Variants in PCDHA4 observed in about 807,000 individuals in gnomAD.
The protein encoded by PCDHA4 is protocadherin alpha-4.
In PCDHA4, 49 loss-of-function variants were observed where a neutral mutation model predicts 61.4. That is an observed-to-expected ratio of 0.80 (90% CI 0.63 to 1.01). PCDHA4 has a LOEUF of 1.01. Ranked by LOEUF, PCDHA4 falls within the 50% of genes least tolerant of loss-of-function variation. The pLI is 0.00. For missense variants in PCDHA4, 1,254 were observed against 1,235.8 expected (o/e 1.01, Z -0.22); for synonymous variants, 590 against 550.3 (o/e 1.07, Z -1.01).
At chr5:140,906,821 G>A (rs1354317622) in intron 1 of PCDHA4, among the ~76,000 whole-genome samples, 7 of 152,220 alleles carry the variant, frequency 4.6e-5, no homozygotes, top group Non-Finnish European at 7.3e-5. Flanking sequence ...CCACTGTGGA[G>A]TAGTAGACTG....
chr5:141,007,494 G>A (rs538537497), intron 3 of PCDHA4, among the ~76,000 whole-genome samples: 20 of 152,150 alleles, frequency 1.3e-4, no homozygotes, highest in African/African-American at 4.8e-4. Flanking sequence ...CTTGGACCTA[G>A]GAGGCAGAGA....
chr5:141,000,345 C>A (rs1395527046), intron 3 of PCDHA4, among the ~76,000 whole-genome samples: 7 of 116,650 alleles, frequency 6.0e-5, no homozygotes, highest in African/African-American at 2.4e-4. Context: ...CCCTATCTCT[C>A]TCTCTGTCTC....
chr5:140,826,442 G>A (rs1447945219), intron 1 of PCDHA4, among the ~76,000 whole-genome samples: 4 of 152,148 alleles, frequency 2.6e-5, no homozygotes, highest in Non-Finnish European at 5.9e-5. Context: ...TGGAAGAAAA[G>A]GCTTTGTGTC....
rs549755742 is a variant in PCDHA4 at position 140,943,684 on chromosome 5, T to C, written c.2386-35265T>C. ...ATGTATAAAGTGTGAAAAAAAGGGA[T>C]AAGGTCAAAATATTGTGGAACACAT... On this transcript the variant is annotated intron_variant, in intron 1 of 3. Transcript: ENST00000530339. Among the ~76,000 whole-genome samples, 254 of 152,102 alleles carry C rather than the reference T, an allele frequency of 1.7e-3. 2 individuals carry two copies. The highest frequency in any genetic ancestry group is 2.9e-4 in the Non-Finnish European group (20 of 67,984).
intron 1 of PCDHA4, chr5:140,870,745 G>C (rs369212308): frequency 1.9e-6 from 3 of 1,613,530 alleles, no homozygotes; most frequent in Non-Finnish European, 2.5e-6. Context: ...GAGCAGCAAC[G>C]TGACGCTGCA....
At chr5:140,824,707 G>C (rs1444477681) in intron 1 of PCDHA4, 1 of 138,454 alleles carries the variant, frequency 7.2e-6, no homozygotes, top group East Asian at 2.3e-4. Flanking sequence ...CCATGCTCCC[G>C]TCTCAGCCTC....
rs114851794 is a variant in PCDHA4, at chr5:140,908,247, A to G, written c.2386-70702A>G. ...GTCCTTAGTCTTCTCTTCCTCATCA[A>G]CTGATCATAGGGAACTCCCCATGAG... On this transcript the variant is annotated intron_variant, in intron 1 of 3. Coordinates refer to ENST00000530339, the MANE Select transcript of PCDHA4 (RefSeq NM_018907.4). Among the ~76,000 whole-genome samples, 435 of 152,170 alleles carry G rather than the reference A, an allele frequency of 2.9e-3. 1 individual carries two copies. Among genetic ancestry groups the G allele is most frequent in the African/African-American group, 9.6e-3 (400 of 41,506 alleles).
intron 1 of PCDHA4, chr5:140,848,340 A>C (rs1781459761): frequency 3.4e-6 from 3 of 893,920 alleles, no homozygotes; most frequent in Admixed American, 2.4e-5. Flanking sequence ...ATCCAGACAA[A>C]TACAGCCCTT....
chr5:140,855,908 C>T, intron 1 of PCDHA4: 1 of 1,151,190 alleles, frequency 8.7e-7, no homozygotes, highest in Non-Finnish European at 1.2e-6. Context: ...GCCAGTTTCT[C>T]AAGGACTAGG....
intron 1 of PCDHA4, among the ~76,000 whole-genome samples, chr5:140,886,842 AAAAAAG>A (rs1562824849): frequency 6.6e-6 from 1 of 151,524 alleles, no homozygotes. Flanking sequence ...AAAAAAAAAA[AAAAAAG>A]AAAGGTCTTC....
Position 140,938,847 on chromosome 5 carries a change from T to C in PCDHA4, c.2386-40102T>C, listed in dbSNP as rs371783438. 4.6e-5 allele frequency among the ~76,000 whole-genome samples: 7 copies of C among 152,194 alleles called. No individual in the cohort carries two copies. The South Asian group carries it at 6.2e-4, about 14-fold the overall frequency. ...GTTTGCGTTATAACAAACCTGCCCA[T>C]GTACCCCTGAACTTAAAAGTTAAGA... On this transcript the variant is annotated intron_variant, in intron 1 of 3. Transcript: ENST00000530339.
At chr5:140,966,724 CGCCTCCGGCCCTGCCCGGCT>C (rs1563354102) in intron 1 of PCDHA4, 1 of 1,396,284 alleles carries the variant, frequency 7.2e-7, no homozygotes, top group Admixed American at 3.3e-5. Flanking sequence ...GGGAAGCTGC[CGCCTCCGGCCCTGCCCGGCT>C]GCCTCCGCCG....
intron 1 of PCDHA4, among the ~76,000 whole-genome samples, chr5:140,892,088 C>T (rs782787174): frequency 1.3e-5 from 2 of 152,122 alleles, no homozygotes; most frequent in Non-Finnish European, 2.9e-5. Flanking sequence ...AGTTTCCTCT[C>T]GAAACTTTCA....
chr5:140,874,970 G>T (rs186825854), intron 1 of PCDHA4, among the ~76,000 whole-genome samples: 6 of 152,162 alleles, frequency 3.9e-5, no homozygotes, highest in Non-Finnish European at 7.4e-5. Flanking sequence ...AAGGGGAGGG[G>T]TGCTGTATAT....
chr5:140,867,157 C>T (rs1194187128), intron 1 of PCDHA4: 2 of 152,166 alleles, frequency 1.3e-5, no homozygotes, highest in East Asian at 3.9e-4. Context: ...CCAGAGTAAA[C>T]CTTCTAAGGT....
intron 1 of PCDHA4, among the ~76,000 whole-genome samples, chr5:140,896,091 G>A (rs1353012571): frequency 2.0e-5 from 3 of 152,104 alleles, no homozygotes; most frequent in African/African-American, 2.4e-5. Flanking sequence ...GATTACAGGC[G>A]TGAGCCACTG....
At chr5:140,823,280 C>T (rs150026852) in intron 1 of PCDHA4, 1 of 1,612,450 alleles carries the variant, frequency 6.2e-7, no homozygotes, top group Non-Finnish European at 8.5e-7. Context: ...GGCGAGCGCC[C>T]GCTGTCGAGT....
At chr5:140,817,805 GT>G (rs1213534688) in intron 1 of PCDHA4, among the ~76,000 whole-genome samples, 1 of 152,064 alleles carries the variant, frequency 6.6e-6, no homozygotes, top group Non-Finnish European at 1.5e-5. Context: ...AAACCTTTAC[GT>G]TTTTATATAT....
At chr5:140,821,734 G>A in intron 1 of PCDHA4, 5 of 1,534,086 alleles carry the variant, frequency 3.3e-6, no homozygotes, top group Non-Finnish European at 4.4e-6. Flanking sequence ...AATACATTGT[G>A]TGGTGATGCA....
Sources: allele counts gnomAD v4.1 joint callset (sites outside exome capture counted in the v4.1 genomes callset), GRCh38; gene constraint gnomAD v4.1.1; transcripts MANE v1.5; gene names NCBI Gene and HGNC (gene_info 2026-07-23, HGNC 2026-07-21).